The following RABGAP1L variants were observed in gnomAD, a reference collection of about 807,000 sequenced individuals.
RABGAP1L encodes the protein RAB GTPase activating protein 1 like, also known as rab GTPase-activating protein 1-like.
RABGAP1L carries 63 observed loss-of-function variants against 137.7 expected under a neutral mutation model. The observed-to-expected ratio is 0.46, with a 90% CI of 0.37 to 0.56. RABGAP1L has a LOEUF of 0.56. RABGAP1L is among the 20% of genes least tolerant of loss of function. The probability of loss-of-function intolerance (pLI) is 0.00; values close to 1 mark genes in which losing one functional copy is unlikely to be tolerated. For missense variants in RABGAP1L, 1,095 were observed against 1,244.0 expected (o/e 0.88, Z 1.80); for synonymous variants, 431 against 433.7 (o/e 0.99, Z 0.08).
At position 174,500,402 on chromosome 1, in the gene RABGAP1L, C is replaced by G. The variant is rs191158702; in HGVS notation, c.1710+106257C>G. ...GCCGGTGGGTTTCTTATAAGTGGAA[C>G]GCTGTTCATTGTACCACATACTGGC... On this transcript the variant is annotated intron_variant, in intron 13 of 25. Transcript: ENST00000681986. Among the ~76,000 whole-genome samples, 70 of 152,034 alleles carry G rather than the reference C, an allele frequency of 4.6e-4. 2 individuals are homozygous for G. In the South Asian group the frequency reaches 0.014, roughly 30 times the overall value.
At position 174,448,830 on chromosome 1, in the gene RABGAP1L, G is replaced by A. The variant is rs117221459; in HGVS notation, c.1710+54685G>A. 2.2e-5 allele frequency: 36 copies of A among 1,614,068 alleles called. No homozygotes were observed. The East Asian group carries it at 2.9e-4, about 13-fold the overall frequency. On this transcript the variant is annotated intron_variant, in intron 13 of 25. Transcript: ENST00000681986. The surrounding 1 kb of genome is among the most constrained non-coding windows in gnomAD (Gnocchi z 4.2). ...CAGCACACCAAAGAGATAAATGACCGAAGAGCCCGATTCCCTAGTCATGAG... is the reference window on the plus strand; with the variant it reads ...CAGCACACCAAAGAGATAAATGACCAAAGAGCCCGATTCCCTAGTCATGAG...
chr1:174,663,820 C>T (rs1676564750), intron 14 of RABGAP1L, among the ~76,000 whole-genome samples: 1 of 152,188 alleles, frequency 6.6e-6, no homozygotes, highest in Admixed American at 6.5e-5. Context: ...CTTATTTCAT[C>T]TCTCATACTG....
At chr1:174,745,229 G>A (rs1367425977) in intron 17 of RABGAP1L, among the ~76,000 whole-genome samples, 1 of 152,180 alleles carries the variant, frequency 6.6e-6, no homozygotes, top group Admixed American at 6.5e-5. Flanking sequence ...GAGCATGGGA[G>A]TATAAGTATA....
At chr1:174,657,840 A>G (rs1572707874) in intron 14 of RABGAP1L, among the ~76,000 whole-genome samples, 1 of 152,090 alleles carries the variant, frequency 6.6e-6, no homozygotes, top group Non-Finnish European at 1.5e-5. Context: ...GTTTGCCCCA[A>G]TTTGTATCTA....
chr1:174,607,112 C>T (rs1670849819), intron 13 of RABGAP1L, among the ~76,000 whole-genome samples: 1 of 152,098 alleles, frequency 6.6e-6, no homozygotes. Flanking sequence ...TTTTTAATAT[C>T]AGTATGTTCA....
At chr1:174,373,842 C>T (rs1445269093) in intron 12 of RABGAP1L, among the ~76,000 whole-genome samples, 6 of 152,128 alleles carry the variant, frequency 3.9e-5, no homozygotes, top group East Asian at 3.9e-4. Context: ...AGATTCTCAG[C>T]CCTTACATCT....
chr1:174,943,211 T>A (rs1666180052), intron 19 of RABGAP1L, among the ~76,000 whole-genome samples: 1 of 152,224 alleles, frequency 6.6e-6, no homozygotes, highest in Non-Finnish European at 1.5e-5. Flanking sequence ...TGCAGTCACA[T>A]AGGTCCTCAT....
intron 19 of RABGAP1L, among the ~76,000 whole-genome samples, chr1:174,931,020 T>A (rs1663703388): frequency 6.6e-6 from 1 of 152,160 alleles, no homozygotes; most frequent in African/African-American, 2.4e-5. Context: ...GATTTTTTTT[T>A]GTTATTTTAG....
At chr1:174,380,147 C>T (rs956164444) in intron 12 of RABGAP1L, among the ~76,000 whole-genome samples, 11 of 151,556 alleles carry the variant, frequency 7.3e-5, no homozygotes, top group African/African-American at 2.4e-4. Context: ...CCCACTTGAT[C>T]ATGGTGGATA....
Position 174,632,532 on chromosome 1 carries a change from A to G in RABGAP1L, c.1711-4843A>G, listed in dbSNP as rs562503717. 1.3e-4 allele frequency among the ~76,000 whole-genome samples: 19 copies of G among 150,542 alleles called. 1 individual carries two copies. The South Asian group carries it at 2.3e-3, about 18-fold the overall frequency. ...CTCTGCATCACTTTGAGGTACACCA[A>G]TCAGACGTAGATTTGGTCTTTTCAC... On this transcript the variant is annotated intron_variant, in intron 13 of 25. Transcript: ENST00000681986.
At chr1:174,659,777 T>C (rs747740446) in intron 14 of RABGAP1L, among the ~76,000 whole-genome samples, 5 of 152,256 alleles carry the variant, frequency 3.3e-5, no homozygotes, top group African/African-American at 4.8e-5. Flanking sequence ...TAAAACAGAA[T>C]GTTTGATCTT....
intron 1 of RABGAP1L, among the ~76,000 whole-genome samples, chr1:174,181,216 G>C (rs530566320): frequency 6.6e-6 from 1 of 152,172 alleles, no homozygotes; most frequent in Non-Finnish European, 1.5e-5. Flanking sequence ...GTATTGTCCA[G>C]GTTGGTCTTG....
At chr1:174,898,120 A>T (rs1657547447) in intron 19 of RABGAP1L, 1 of 152,242 alleles carries the variant, frequency 6.6e-6, no homozygotes, top group African/African-American at 2.4e-5. Context: ...TAAGAAGAAC[A>T]TAAAAAGCAG....
chr1:174,963,013 C>G (rs1669302684), intron 20 of RABGAP1L, among the ~76,000 whole-genome samples: 1 of 151,992 alleles, frequency 6.6e-6, no homozygotes, highest in Admixed American at 6.5e-5. Flanking sequence ...GCAGGAGAAC[C>G]TCTTGAACCT....
intron 17 of RABGAP1L, among the ~76,000 whole-genome samples, chr1:174,739,831 T>C (rs2148647232): frequency 6.6e-6 from 1 of 152,360 alleles, no homozygotes; most frequent in African/African-American, 2.4e-5. Flanking sequence ...AATGAAACTA[T>C]ATACTCAAAA....
intron 19 of RABGAP1L, among the ~76,000 whole-genome samples, chr1:174,927,380 T>C (rs1007364220): frequency 2.0e-5 from 3 of 152,196 alleles, no homozygotes; most frequent in Non-Finnish European, 4.4e-5. Context: ...AATATGTGAA[T>C]TATAGTAATA....
intron 13 of RABGAP1L, among the ~76,000 whole-genome samples, chr1:174,540,011 T>A (rs1451350570): frequency 2.0e-5 from 3 of 152,250 alleles, no homozygotes; most frequent in Non-Finnish European, 4.4e-5. Flanking sequence ...GGTATCTCAT[T>A]GTGGTTTTGA....
At chr1:174,789,610 A>C (rs147833494) in intron 18 of RABGAP1L, among the ~76,000 whole-genome samples, 17 of 152,272 alleles carry the variant, frequency 1.1e-4, no homozygotes, top group South Asian at 2.1e-4. Flanking sequence ...CAAACCCACA[A>C]GTTACTGTGT....
At chr1:174,731,796 A>G (rs1682499936) in intron 17 of RABGAP1L, among the ~76,000 whole-genome samples, 1 of 152,218 alleles carries the variant, frequency 6.6e-6, no homozygotes, top group Non-Finnish European at 1.5e-5. Context: ...TCCTTGCTAC[A>G]TCTTCTGAGA....
Sources: gnomAD v4.1 joint callset for allele counts (sites outside exome capture counted in the v4.1 genomes callset) on GRCh38, gnomAD v4.1.1 for gene constraint, Gnocchi (gnomAD v3.1) non-coding constraint, MANE v1.5 for transcripts, NCBI Gene and HGNC (gene_info 2026-07-23, HGNC 2026-07-21) for gene names.